RAB11FIP1: variants seen among roughly 807,000 people sequenced by gnomAD.
The protein encoded by RAB11FIP1 is RAB11 family interacting protein 1.
A neutral mutation model predicts 83.1 loss-of-function variants in RAB11FIP1; 49 were observed. The observed-to-expected ratio is 0.59, with a 90% CI of 0.47 to 0.75. The LOEUF (loss-of-function observed/expected upper bound fraction) is 0.75. RAB11FIP1 is among the 30% of genes least tolerant of loss of function. The pLI, the probability that RAB11FIP1 is intolerant of heterozygous loss-of-function variation, is 0.00. For missense variants in RAB11FIP1, 1,536 were observed against 1,598.7 expected (o/e 0.96, Z 0.67); for synonymous variants, 670 against 656.0 (o/e 1.02, Z -0.33).
intron 5 of RAB11FIP1, among the ~76,000 whole-genome samples, chr8:37,868,833 G>A (rs1806393630): frequency 6.6e-6 from 1 of 152,080 alleles, no homozygotes; most frequent in Non-Finnish European, 1.5e-5. Context: ...CCCTCCAAAT[G>A]AGCAAGATAC....
intron 1 of RAB11FIP1, among the ~76,000 whole-genome samples, chr8:37,882,442 C>A (rs968770072): frequency 2.0e-5 from 3 of 152,174 alleles, no homozygotes; most frequent in African/African-American, 7.2e-5. Context: ...AATATTGATT[C>A]TCACAAAATA....
chr8:37,898,982 C>T, intron 1 of RAB11FIP1, 89 bp downstream of exon 1: 1 of 1,304,472 alleles, frequency 7.7e-7, no homozygotes, highest in Non-Finnish European at 9.9e-7. Flanking sequence ...TGCTGCCCGG[C>T]TTACTCTCGA....
chr8:37,886,995 C>T (rs558640325), intron 1 of RAB11FIP1, among the ~76,000 whole-genome samples: 115 of 152,202 alleles, frequency 7.6e-4, no homozygotes, highest in African/African-American at 2.7e-3. Flanking sequence ...TGCAGTTTAA[C>T]GAGCGCTGGT....
chr8:37,866,115 C>T (rs956841318), intron 5 of RAB11FIP1, among the ~76,000 whole-genome samples: 2 of 152,130 alleles, frequency 1.3e-5, no homozygotes, highest in Non-Finnish European at 2.9e-5. Context: ...GTGGGCGGAT[C>T]ATGAGGTCAG....
At position 37,872,320 on chromosome 8, in the gene RAB11FIP1, C is replaced by A; in HGVS notation, c.2482G>T (p.Val828Leu). 6.2e-7 allele frequency: 1 copy of A among 1,614,090 alleles called. No individual in the cohort carries two copies. The highest frequency in any genetic ancestry group is 8.5e-7 in the Non-Finnish European group (1 of 1,179,974). Residue 828 changes from valine (V) to leucine (L), a missense_variant, in exon 4 of 6, where the codon GTG becomes TTG. Coordinates refer to ENST00000330843, the MANE Select transcript of RAB11FIP1 (RefSeq NM_001002814.3). ...TGGGGACAACTGCTGTGTCCTTCCACCAGCAAGGCAGCCCCCGCCACTGCC... is the reference window on the plus strand; with the variant it reads ...TGGGGACAACTGCTGTGTCCTTCCAACAGCAAGGCAGCCCCCGCCACTGCC... ...EEAVAGAALL[V>L]EGHSSCPQEL...
chr8:37,894,723 CAT>C lies in RAB11FIP1; in HGVS notation c.371+4346_371+4347del, dbSNP rs140765783. On this transcript the variant is annotated intron_variant, in intron 1 of 5. Transcript: ENST00000330843. ...ATACATATATATACATATATATATA[CAT>C]ATATATATATATATACACACACACA... 3.5e-3 allele frequency among the ~76,000 whole-genome samples: 490 copies of C among 141,630 alleles called. 1 individual carries two copies. Among genetic ancestry groups the C allele is most frequent in the African/African-American group, 8.2e-3 (310 of 37,728 alleles). The allele number at this position is 141,630 out of a possible 152,430, so 92.9% of individuals were successfully genotyped here. A position where few individuals can be genotyped will look rare whatever the true frequency, so the allele number is the denominator to read the frequency against.
chr8:37,895,147 C>G (rs1417601371), intron 1 of RAB11FIP1, among the ~76,000 whole-genome samples: 1 of 125,670 alleles, frequency 8.0e-6, no homozygotes, highest in African/African-American at 3.0e-5. Flanking sequence ...TTCACCCTAA[C>G]CTTTAACTCT....
At chr8:37,882,074 G>A (rs775439446) in intron 1 of RAB11FIP1, among the ~76,000 whole-genome samples, 15 of 152,126 alleles carry the variant, frequency 9.9e-5, no homozygotes, top group African/African-American at 2.2e-4. Context: ...AACCGCAGGC[G>A]GGCAGCACGC....
chr8:37,880,935 T>G (rs1806722617), intron 1 of RAB11FIP1, among the ~76,000 whole-genome samples: 2 of 152,206 alleles, frequency 1.3e-5, no homozygotes, highest in South Asian at 4.1e-4. Flanking sequence ...CGGAAGGTAG[T>G]GGACTTAAAG....
chr8:37,879,010 T>A (rs1806681523), intron 1 of RAB11FIP1, among the ~76,000 whole-genome samples: 1 of 151,966 alleles, frequency 6.6e-6, no homozygotes, highest in East Asian at 1.9e-4. Flanking sequence ...AAGAATTTTT[T>A]AAAAGAGTGA....
At chr8:37,865,970 G>A (rs1311134529) in intron 5 of RAB11FIP1, among the ~76,000 whole-genome samples, 1 of 152,078 alleles carries the variant, frequency 6.6e-6, no homozygotes, top group African/African-American at 2.4e-5. Flanking sequence ...TTTGGATTCT[G>A]TAATTGAAAG....
chr8:37,875,279 C>T lies in RAB11FIP1; in HGVS notation c.858G>A (p.Leu286=), dbSNP rs985181955. The T allele has an allele frequency of 6.8e-6, 11 of 1,613,688 alleles. No individual in the cohort carries two copies. The East Asian group carries it at 2.5e-4, about 36-fold the overall frequency. The change falls in exon 3 of 6, where the codon CTG becomes CTA. Residue 286 remains leucine, a synonymous_variant. Transcript: ENST00000330843. The part of the protein sequence containing the change: ...KRTASTDLKQ[L]NQVNFTLPKK... ...TGGGAAGGGTAAAGTTGACCTGGTT[C>T]AGTTGCTTAAGATCCGTACTCGCTG... is the stretch of plus-strand genomic sequence containing the variant.
At position 37,862,657 on chromosome 8, in the gene RAB11FIP1, A is replaced by C; in HGVS notation, c.*238T>G. ...CATCTCTGGTGGGCATAAAATATTT[A>C]CAACCTTGTTAAAGGCACAGTGGCA... On this transcript the variant is annotated 3_prime_UTR_variant, in exon 6 of 6. Coordinates refer to ENST00000330843, the MANE Select transcript of RAB11FIP1 (RefSeq NM_001002814.3). 1 of 449,878 alleles carries C rather than the reference A, an allele frequency of 2.2e-6. No homozygotes were observed. The highest frequency in any genetic ancestry group is 4.0e-6 in the Non-Finnish European group (1 of 248,144). 27.9% of individuals were successfully genotyped at this position (449,878 alleles called of 1,614,324 possible).
intron 5 of RAB11FIP1, among the ~76,000 whole-genome samples, chr8:37,866,685 A>T (rs1053110472): frequency 1.1e-4 from 16 of 152,320 alleles, no homozygotes; most frequent in African/African-American, 3.8e-4. Context: ...AAAAGAAAAA[A>T]AAAAAACACT....
At chr8:37,890,249 T>C (rs188894451) in intron 1 of RAB11FIP1, among the ~76,000 whole-genome samples, 1 of 152,330 alleles carries the variant, frequency 6.6e-6, no homozygotes, top group Admixed American at 6.5e-5. Context: ...CCCATTCTTT[T>C]ATAATAACCA....
At chr8:37,898,645 C>G (rs1392751764) in intron 1 of RAB11FIP1, among the ~76,000 whole-genome samples, 1 of 130,182 alleles carries the variant, frequency 7.7e-6, no homozygotes, top group East Asian at 2.2e-4. Flanking sequence ...GAGTGAGACT[C>G]AGTCTCAAAA....
chr8:37,894,753 T>C (rs1011538824), intron 1 of RAB11FIP1, among the ~76,000 whole-genome samples: 1 of 146,778 alleles, frequency 6.8e-6, no homozygotes, highest in Admixed American at 6.8e-5. Flanking sequence ...CACACACACA[T>C]ACATACATAT....
chr8:37,863,248 T>G, intron 5 of RAB11FIP1, 135 bp from the exon 6 acceptor site: 1 of 651,674 alleles, frequency 1.5e-6, no homozygotes, highest in Non-Finnish European at 2.6e-6. Flanking sequence ...CTTTCTTTCT[T>G]TCTTTCTTTC....
rs549505708 is a variant in RAB11FIP1 at position 37,864,990 on chromosome 8, C to T, written c.3634-1877G>A. Among the ~76,000 whole-genome samples, 10 of 150,430 alleles carry T rather than the reference C, an allele frequency of 6.6e-5. No homozygotes were observed. In the South Asian group the frequency reaches 2.1e-3, roughly 32 times the overall value. On this transcript the variant is annotated intron_variant, in intron 5 of 5. Transcript: ENST00000330843. ...CTCTCTATGTTGCCTGGACTGGTCTCAAACCCAAGCTCAAGTGATCCTCCC... is the reference window on the plus strand; with the variant it reads ...CTCTCTATGTTGCCTGGACTGGTCTTAAACCCAAGCTCAAGTGATCCTCCC...
Sources: gnomAD v4.1 joint callset for allele counts (sites outside exome capture counted in the v4.1 genomes callset) on GRCh38, gnomAD v4.1.1 for gene constraint, MANE v1.5 for transcripts, NCBI Gene and HGNC (gene_info 2026-07-23, HGNC 2026-07-21) for gene names.